ZNF254: variants seen among roughly 807,000 people sequenced by gnomAD.
The protein encoded by ZNF254 is CTD-2017D11.1.
A neutral mutation model predicts 12.4 loss-of-function variants in ZNF254; 10 were observed. That is an observed-to-expected ratio of 0.80 (90% CI 0.50 to 1.36). The LOEUF (loss-of-function observed/expected upper bound fraction) is 1.36, where lower values mean the gene tolerates loss of function less well. Among genes scored for constraint, ZNF254 ranks in the 40% most tolerant of loss-of-function variants. The probability of loss-of-function intolerance (pLI) is 0.00; values close to 1 mark genes in which losing one functional copy is unlikely to be tolerated. For missense variants in ZNF254, 996 were observed against 763.9 expected, an observed-to-expected ratio of 1.30 and a Z score of -3.58; for synonymous variants, 305 against 253.4, an observed-to-expected ratio of 1.20 and a Z score of -1.93.
At chr19:24,109,375 T>C (rs1489344504) in intron 3 of ZNF254, among the ~76,000 whole-genome samples, 1 of 152,242 alleles carries the variant, frequency 6.6e-6, no homozygotes, top group Non-Finnish European at 1.5e-5. Flanking sequence ...TGTTTGTTAA[T>C]GTACATTAAT....
At chr19:24,081,711 C>T (rs1027839976) in intron 2 of ZNF254, among the ~76,000 whole-genome samples, 2 of 152,172 alleles carry the variant, frequency 1.3e-5, no homozygotes, top group African/African-American at 2.4e-5. Flanking sequence ...AGACTATACT[C>T]AGATGCCCCC....
In ZNF254 at chr19:24,129,808, T is replaced by C. The variant is rs546181372; in HGVS notation, c.*1828T>C. ...AAAAATTTTATACAAACGTGTAAAATCTATACATTTCTGAGTTCTGAATAA... is the reference window on the plus strand; with the variant it reads ...AAAAATTTTATACAAACGTGTAAAACCTATACATTTCTGAGTTCTGAATAA... On this transcript the variant is annotated 3_prime_UTR_variant, in exon 4 of 4. Coordinates refer to ENST00000357002, the MANE Select transcript of ZNF254 (RefSeq NM_203282.4). 1 of 152,112 alleles carries C rather than the reference T, an allele frequency of 6.6e-6. No individual in the cohort carries two copies. The highest frequency in any genetic ancestry group is 6.5e-5 in the Admixed American group (1 of 15,278). 9.4% of individuals were successfully genotyped at this position (152,112 alleles called of 1,614,324 possible). A position where few individuals can be genotyped will look rare whatever the true frequency, so the allele number is the denominator to read the frequency against.
chr19:24,119,318 A>G (rs767065695), intron 3 of ZNF254, among the ~76,000 whole-genome samples: 5 of 151,744 alleles, frequency 3.3e-5, no homozygotes, highest in Non-Finnish European at 7.4e-5. Context: ...CAGCCTCCCA[A>G]GCAGCTGGGA....
intron 2 of ZNF254, among the ~76,000 whole-genome samples, chr19:24,074,376 T>G (rs1971586572): frequency 6.6e-6 from 1 of 152,202 alleles, no homozygotes; most frequent in Non-Finnish European, 1.5e-5. Flanking sequence ...ATGTGAGCCT[T>G]CTGTCCAAAC....
intron 1 of ZNF254, chr19:24,033,693 C>A (rs1376472703): frequency 3.4e-6 from 1 of 290,222 alleles, no homozygotes. Flanking sequence ...CCTTCGTCAC[C>A]GCTCCCGGGT....
intron 3 of ZNF254, among the ~76,000 whole-genome samples, chr19:24,109,243 A>T (rs982126610): frequency 6.6e-6 from 1 of 152,150 alleles, no homozygotes; most frequent in African/African-American, 2.4e-5. Context: ...GCATCTCCTA[A>T]TTATGATTTT....
Position 24,126,912 on chromosome 19 carries a change from C to A in ZNF254, c.912C>A (p.Ile304=), listed in dbSNP as rs778426507. Residue 304 remains isoleucine, a synonymous_variant, in exon 4 of 4, where the codon ATC becomes ATA. Coordinates refer to ENST00000357002, the MANE Select transcript of ZNF254 (RefSeq NM_203282.4). ...GTGAAGAATGTGGCAAAGCATTTAT[C>A]TGGTCCTCAACCCTTACTGAGCATA... ...YKCEECGKAF[I]WSSTLTEHKK... The A allele has an allele frequency of 6.2e-7, 1 of 1,612,452 alleles. No individual in the cohort carries two copies. The highest frequency in any genetic ancestry group is 2.2e-5 in the East Asian group (1 of 44,722).
At chr19:24,122,158 A>G (rs1599761471) in intron 3 of ZNF254, among the ~76,000 whole-genome samples, 2 of 152,198 alleles carry the variant, frequency 1.3e-5, no homozygotes, top group Non-Finnish European at 2.9e-5. Context: ...TTGTCATGCA[A>G]CATATTGCTA....
At chr19:24,055,840 G>C (rs1337028452) in intron 2 of ZNF254, among the ~76,000 whole-genome samples, 1 of 152,172 alleles carries the variant, frequency 6.6e-6, no homozygotes, top group Non-Finnish European at 1.5e-5. Context: ...TTAGTTCACT[G>C]TTGACATTGT....
intron 2 of ZNF254, among the ~76,000 whole-genome samples, chr19:24,058,084 A>G (rs568984135): frequency 6.6e-6 from 1 of 152,260 alleles, no homozygotes; most frequent in Admixed American, 6.5e-5. Context: ...AGACATTAAC[A>G]TATCTCAGAG....
chr19:24,112,921 GA>G (rs1407962039), intron 3 of ZNF254, among the ~76,000 whole-genome samples: 1 of 152,110 alleles, frequency 6.6e-6, no homozygotes, highest in Non-Finnish European at 1.5e-5. Context: ...AAATAAACTA[GA>G]AAATCTAGAT....
intron 1 of ZNF254, among the ~76,000 whole-genome samples, chr19:24,035,049 A>G (rs993064523): frequency 6.6e-5 from 10 of 152,346 alleles, no homozygotes; most frequent in African/African-American, 2.4e-4. Context: ...ACTTTCTTTC[A>G]TAAGAAGAAA....
chr19:24,118,081 C>T (rs1346701211), intron 3 of ZNF254, among the ~76,000 whole-genome samples: 3 of 145,182 alleles, frequency 2.1e-5, no homozygotes, highest in Admixed American at 7.0e-5. Flanking sequence ...GAAATGGAGT[C>T]TCCCTTTGTC....
intron 2 of ZNF254, among the ~76,000 whole-genome samples, chr19:24,047,151 GAGCC>G (rs1408977607): frequency 6.6e-6 from 1 of 151,960 alleles, no homozygotes; most frequent in Non-Finnish European, 1.5e-5. Flanking sequence ...TTACAGGTGT[GAGCC>G]ACTGTGCCTG....
At chr19:24,089,580 T>TA (rs1400047391) in intron 1 of ZNF254, among the ~76,000 whole-genome samples, 1 of 152,148 alleles carries the variant, frequency 6.6e-6, no homozygotes, top group Non-Finnish European at 1.5e-5. Context: ...TATGTCTGCT[T>TA]AGAGTGTCTA....
chr19:24,126,394 T>C lies in ZNF254; in HGVS notation c.394T>C (p.Tyr132His). Residue 132 changes from tyrosine (Y) to histidine (H), a missense_variant, in exon 4 of 4, where the codon TAT becomes CAT. Transcript: ENST00000357002. ...LRKGCKSVDEYKVNKEGYNGL... is the reference protein window; with the variant it reads ...LRKGCKSVDEHKVNKEGYNGL... ...AAAAGGCTGTAAAAGTGTGGATGAG[T>C]ATAAGGTGAACAAAGAAGGTTATAA... The C allele has an allele frequency of 6.2e-7, 1 of 1,608,744 alleles. No individual in the cohort carries two copies. Among genetic ancestry groups the C allele is most frequent in the Non-Finnish European group, 8.5e-7 (1 of 1,178,546 alleles).
At chr19:24,043,258 C>CA (rs202197883) in intron 1 of ZNF254, among the ~76,000 whole-genome samples, 3 of 147,110 alleles carry the variant, frequency 2.0e-5, no homozygotes, top group Non-Finnish European at 4.5e-5. Context: ...CACATAAAGC[C>CA]AAAAAAAAAT....
intron 2 of ZNF254, chr19:24,078,541 CT>C (rs1201878155): frequency 6.6e-6 from 1 of 152,156 alleles, no homozygotes; most frequent in Non-Finnish European, 1.5e-5. Context: ...ATCTGTCCTC[CT>C]CTTGGCTATC....
chr19:24,086,336 C>T (rs927883491), upstream of ZNF254, among the ~76,000 whole-genome samples: 42 of 152,172 alleles, frequency 2.8e-4, no homozygotes, highest in African/African-American at 9.6e-4. Context: ...GACAAAGTCT[C>T]GCTCTGTCGC....
Sources: allele counts gnomAD v4.1 joint callset (sites outside exome capture counted in the v4.1 genomes callset), GRCh38; gene constraint gnomAD v4.1.1; transcripts MANE v1.5; gene names NCBI Gene and HGNC (gene_info 2026-07-23, HGNC 2026-07-21).